The following ZNF350 variants were observed in gnomAD, a reference collection of about 807,000 sequenced individuals.
ZNF350 encodes zinc finger protein 350.
A neutral mutation model predicts 13.1 loss-of-function variants in ZNF350; 5 were observed. The ratio of observed to expected loss-of-function variants is 0.38; its 90% CI spans 0.20 to 0.80. The LOEUF (loss-of-function observed/expected upper bound fraction) is 0.80, where lower values mean the gene tolerates loss of function less well. Ranked by LOEUF, ZNF350 falls within the 30% of genes least tolerant of loss-of-function variation. ZNF350 has a pLI of 0.43. For synonymous variants in ZNF350, 199 were observed against 224.2 expected (o/e 0.89, Z 1.00); for missense variants, 534 against 644.2 (o/e 0.83, Z 1.85).
At chr19:51,968,539 T>G in intron 4 of ZNF350, 39 bp downstream of exon 4, 1 of 1,577,066 alleles carries the variant, frequency 6.3e-7, no homozygotes, top group East Asian at 2.2e-5. Context: ...CTGTCTAGAA[T>G]GTGACTTCCA....
chr19:51,966,387 GA>G (rs2085573896), intron 4 of ZNF350, among the ~76,000 whole-genome samples, 173 bp from the exon 5 acceptor site: 1 of 150,876 alleles, frequency 6.6e-6, no homozygotes. Context: ...GGGTTCAAGG[GA>G]TTCTCCTGCC....
intron 1 of ZNF350, among the ~76,000 whole-genome samples, chr19:51,986,171 T>G (rs2086154484): frequency 6.6e-6 from 1 of 152,026 alleles, no homozygotes; most frequent in Non-Finnish European, 1.5e-5. Flanking sequence ...GACCCCCCGA[T>G]CTGTAAATAG....
chr19:51,965,568 A>G lies in ZNF350; in HGVS notation c.885T>C (p.Cys295=), dbSNP rs936343713. The change falls in exon 5 of 5, where the codon TGT becomes TGC. Residue 295 remains cysteine (C), a synonymous_variant. Coordinates refer to ENST00000243644, the MANE Select transcript of ZNF350 (RefSeq NM_021632.4). Reference sequence around the variant, plus strand: ...TTCCTTTCTGGATGAAGCCTTTTCCACATTCACTGCATATATAGGGTTTCT... The same window carrying G: ...TTCCTTTCTGGATGAAGCCTTTTCCGCATTCACTGCATATATAGGGTTTCT... The part of the protein sequence containing the change: ...TGEKPYICSE[C]GKGFIQKGNL... The G allele has an allele frequency of 5.0e-6, 8 of 1,614,180 alleles. No homozygotes were observed. Among genetic ancestry groups the G allele is most frequent in the Non-Finnish European group, 6.8e-6 (8 of 1,180,028 alleles).
intron 2 of ZNF350, among the ~76,000 whole-genome samples, chr19:51,972,197 T>A (rs7260041): frequency 0.017 from 2,533 of 151,374 alleles, 71 homozygotes; most frequent in African/African-American, 0.058. Flanking sequence ...CACAATGGCT[T>A]ATGCCTGTAA....
At chr19:51,966,802 C>T (rs1470184418) in intron 4 of ZNF350, among the ~76,000 whole-genome samples, 2 of 151,836 alleles carry the variant, frequency 1.3e-5, no homozygotes, top group African/African-American at 4.8e-5. Context: ...CATGCACCAC[C>T]GCACCCAGCT....
intron 4 of ZNF350, among the ~76,000 whole-genome samples, chr19:51,966,425 A>G (rs2085575479): frequency 6.6e-6 from 1 of 151,864 alleles, no homozygotes; most frequent in Non-Finnish European, 1.5e-5. Flanking sequence ...CTGGGATTAC[A>G]GGTGCCTGCT....
chr19:51,977,970 T>G (rs1181838341), intron 1 of ZNF350, among the ~76,000 whole-genome samples: 1 of 152,194 alleles, frequency 6.6e-6, no homozygotes, highest in Non-Finnish European at 1.5e-5. Flanking sequence ...AAAAAAGGAA[T>G]GCCGCCAGAT....
intron 1 of ZNF350, among the ~76,000 whole-genome samples, chr19:51,977,571 C>G (rs751306442): frequency 6.6e-6 from 1 of 152,160 alleles, no homozygotes; most frequent in Non-Finnish European, 1.5e-5. Flanking sequence ...CCGCTAAATG[C>G]GCCTGGGCCA....
chr19:51,964,741 G>T lies in ZNF350; in HGVS notation c.*113C>A. 1 of 1,264,216 alleles carries T rather than the reference G, an allele frequency of 7.9e-7. No homozygotes were observed. Among genetic ancestry groups the T allele is most frequent in the Non-Finnish European group, 1.1e-6 (1 of 920,512 alleles). 78.3% of individuals were successfully genotyped at this position (1,264,216 alleles called of 1,614,324 possible). A position where few individuals can be genotyped will look rare whatever the true frequency, so the allele number is the denominator to read the frequency against. ...CACAGCATACATTTTAATAGGATGA[G>T]TTTATCAGGCTATCTCAGCCTTATA... On this transcript the variant is annotated 3_prime_UTR_variant, in exon 5 of 5. Transcript: ENST00000243644.
At chr19:51,981,559 C>T (rs1183525858) in intron 1 of ZNF350, among the ~76,000 whole-genome samples, 3 of 152,156 alleles carry the variant, frequency 2.0e-5, no homozygotes, top group African/African-American at 7.2e-5. Flanking sequence ...TCCCCACATG[C>T]GGTTATTATA....
At chr19:51,966,273 GTTT>G in intron 4 of ZNF350, 59 bp from the exon 5 acceptor site, 1 of 1,457,684 alleles carries the variant, frequency 6.9e-7, no homozygotes, top group Non-Finnish European at 9.1e-7. Flanking sequence ...GTTTGTTGTG[GTTT>G]TTTTGTTTTT....
chr19:51,966,267 G>A, intron 4 of ZNF350, 53 bp from the exon 5 acceptor site: 26 of 1,474,366 alleles, frequency 1.8e-5, no homozygotes, highest in Non-Finnish European at 2.2e-5. Flanking sequence ...GTAAAAGTTT[G>A]TTGTGGTTTT....
In ZNF350 at chr19:51,976,649, GGAAA is replaced by G. The variant is rs1481417887; in HGVS notation, c.-171-2122_-171-2119del. On this transcript the variant is annotated intron_variant, in intron 1 of 4. Transcript: ENST00000243644. This position sits in a 1 kb window ranked among gnomAD's most constrained non-coding sequence, Gnocchi z 4.5. ...AAGTTTTCTGACTCAGGGTAACAAG[GGAAA>G]GAATTTGTCTATTGAAGAAAAACAT... 8 of 152,226 alleles carry G rather than the reference GGAAA, an allele frequency of 5.3e-5. No individual in the cohort carries two copies. The highest frequency in any genetic ancestry group is 1.9e-4 in the African/African-American group (8 of 41,532). The allele number at this position is 152,226 out of a possible 1,614,324, so 9.4% of individuals were successfully genotyped here.
At chr19:51,977,047 C>T (rs920082548) in intron 1 of ZNF350, among the ~76,000 whole-genome samples, 2 of 152,184 alleles carry the variant, frequency 1.3e-5, no homozygotes, top group African/African-American at 4.8e-5. Context: ...TTGGCCTATA[C>T]TGCCTCCTTC....
intron 1 of ZNF350, among the ~76,000 whole-genome samples, chr19:51,978,033 G>A (rs780225896): frequency 1.3e-5 from 2 of 152,198 alleles, no homozygotes; most frequent in Non-Finnish European, 2.9e-5. Flanking sequence ...AGAAAAAACA[G>A]CAGGACTCTG....
chr19:51,977,369 C>T (rs1221918152), intron 1 of ZNF350, among the ~76,000 whole-genome samples: 2 of 152,338 alleles, frequency 1.3e-5, no homozygotes, highest in East Asian at 3.9e-4. Flanking sequence ...TTGGCGCGAA[C>T]TTGCTTGTCT....
At chr19:51,973,095 T>A in intron 2 of ZNF350, 1 of 151,844 alleles carries the variant, frequency 6.6e-6, no homozygotes, top group South Asian at 2.1e-4. Flanking sequence ...TACAGGCACC[T>A]GCCACCACAC....
intron 1 of ZNF350, among the ~76,000 whole-genome samples, chr19:51,977,636 G>C (rs752450265): frequency 6.6e-6 from 1 of 152,234 alleles, no homozygotes; most frequent in Non-Finnish European, 1.5e-5. Context: ...TGCAAGGGTT[G>C]CAGGAACCCT....
intron 2 of ZNF350, among the ~76,000 whole-genome samples, chr19:51,972,210 C>T (rs538063094): frequency 6.6e-6 from 1 of 151,022 alleles, no homozygotes; most frequent in South Asian, 2.1e-4. Flanking sequence ...GCCTGTAATC[C>T]CAGCACTTTG....
Sources: allele counts gnomAD v4.1 joint callset (sites outside exome capture counted in the v4.1 genomes callset), GRCh38; gene constraint gnomAD v4.1.1; non-coding constraint Gnocchi (gnomAD v3.1); transcripts MANE v1.5; gene names NCBI Gene and HGNC (gene_info 2026-07-23, HGNC 2026-07-21).